TAF12: variants seen among roughly 807,000 people sequenced by gnomAD.
TAF12 encodes the protein transcription initiation factor TFIID subunit 12.
TAF12 carries 3 observed loss-of-function variants against 20.8 expected under a neutral mutation model. That is an observed-to-expected ratio of 0.14 (90% CI 0.07 to 0.37). TAF12 has a LOEUF of 0.37. Among genes scored for constraint, TAF12 ranks in the 10% least tolerant of loss-of-function variants. The probability of loss-of-function intolerance (pLI) is 1.00; values close to 1 mark genes in which losing one functional copy is unlikely to be tolerated. For synonymous variants in TAF12, 69 were observed against 70.2 expected (o/e 0.98, Z 0.09); for missense variants, 131 against 197.9 (o/e 0.66, Z 2.03).
rs1398311674 is a variant in TAF12, at chr1:28,606,079, AC to A, written c.362-620del. The stretch of plus-strand genomic sequence containing the variant: ...AGTGGTGCGATCTCGGCTCACTGAA[AC>A]CTCTGCCACCTGGGTTCAAGCGATT... On this transcript the variant is annotated intron_variant, in intron 4 of 5. Coordinates refer to ENST00000373824, the MANE Select transcript of TAF12 (RefSeq NM_005644.4). Among the ~76,000 whole-genome samples the A allele has an allele frequency of 2.6e-5, 4 of 151,294 alleles. No individual in the cohort carries two copies. The East Asian group carries it at 7.8e-4, about 29-fold the overall frequency.
intron 1 of TAF12, among the ~76,000 whole-genome samples, chr1:28,632,462 G>A (rs1341411877): frequency 1.3e-5 from 2 of 152,112 alleles, no homozygotes; most frequent in Non-Finnish European, 2.9e-5. Flanking sequence ...GTTGCAGTGT[G>A]CAGAGATCGC....
intron 1 of TAF12, among the ~76,000 whole-genome samples, chr1:28,639,404 G>GA (rs1667958796): frequency 8.3e-6 from 1 of 120,662 alleles, no homozygotes; most frequent in Admixed American, 8.8e-5. Flanking sequence ...TAACAAGAGT[G>GA]AAAGAGCGAA....
chr1:28,616,303 G>T (rs146710170), intron 3 of TAF12, among the ~76,000 whole-genome samples: 97 of 150,768 alleles, frequency 6.4e-4, no homozygotes, highest in African/African-American at 2.3e-3. Context: ...GGCTGAGGTG[G>T]AAGAATCACT....
chr1:28,611,656 TAGA>T (rs994694934), intron 4 of TAF12, among the ~76,000 whole-genome samples: 3 of 152,232 alleles, frequency 2.0e-5, no homozygotes, highest in Middle Eastern at 3.4e-3. Flanking sequence ...CACCAGAGGC[TAGA>T]AGGAGGCAAG....
chr1:28,643,036 G>A lies in TAF12; in HGVS notation c.-129C>T, dbSNP rs116551508. 8.1e-6 allele frequency: 8 copies of A among 985,792 alleles called. No homozygotes were observed. Among genetic ancestry groups the A allele is most frequent in the African/African-American group, 5.2e-5 (3 of 57,258 alleles). 61.1% of individuals were successfully genotyped at this position (985,792 alleles called of 1,614,324 possible). ...CCCATGATATGCAGAGACTGCCCCA[G>A]TGAAGCGTTCGTCTCAGCAGCCGGT... On this transcript the variant is annotated 5_prime_UTR_variant, in exon 1 of 6. Transcript: ENST00000373824.
intron 4 of TAF12, among the ~76,000 whole-genome samples, chr1:28,608,201 CG>C (rs2124298123): frequency 6.7e-6 from 1 of 149,536 alleles, no homozygotes; most frequent in South Asian, 2.1e-4. Flanking sequence ...AAAAAATAGC[CG>C]GGTGTGGTGG....
At chr1:28,607,538 G>A (rs767135862) in intron 4 of TAF12, among the ~76,000 whole-genome samples, 47 of 152,128 alleles carry the variant, frequency 3.1e-4, no homozygotes, top group Non-Finnish European at 2.2e-4. Context: ...CAGGCATGGT[G>A]GCAGGTGCCT....
intron 5 of TAF12, among the ~76,000 whole-genome samples, chr1:28,604,651 C>T (rs1347897243): frequency 1.3e-5 from 2 of 152,172 alleles, no homozygotes; most frequent in Non-Finnish European, 2.9e-5. Flanking sequence ...TTACAAACAC[C>T]GGCTCCAGAG....
intron 1 of TAF12, among the ~76,000 whole-genome samples, chr1:28,639,492 A>G (rs1286195143): frequency 1.3e-5 from 2 of 151,362 alleles, no homozygotes; most frequent in African/African-American, 4.9e-5. Flanking sequence ...TTATAATGCA[A>G]TGATTTTCTG....
chr1:28,632,382 G>A (rs541707912), intron 1 of TAF12, among the ~76,000 whole-genome samples: 1 of 152,324 alleles, frequency 6.6e-6, no homozygotes, highest in East Asian at 1.9e-4. Context: ...GTTGCAGTGA[G>A]CCAAGATTAC....
rs183254290 is a variant in TAF12, at chr1:28,613,822, A to C, written c.247-461T>G. Among the ~76,000 whole-genome samples, 4 of 152,364 alleles carry C rather than the reference A, an allele frequency of 2.6e-5. No individual in the cohort carries two copies. The East Asian group carries it at 7.7e-4, about 29-fold the overall frequency. ...GTTCATGGCCATGTAAGTAGAAAGC[A>C]GAAGGCCAGGTACAATGGCTCATGC... On this transcript the variant is annotated intron_variant, in intron 3 of 5. Coordinates refer to ENST00000373824, the MANE Select transcript of TAF12 (RefSeq NM_005644.4).
chr1:28,604,226 C>T (rs538049666), intron 5 of TAF12, among the ~76,000 whole-genome samples: 1 of 152,080 alleles, frequency 6.6e-6, no homozygotes, highest in Non-Finnish European at 1.5e-5. Flanking sequence ...TTCTGGGGTC[C>T]CCTGACCCCA....
chr1:28,641,171 T>C lies in TAF12; in HGVS notation c.-85+1821A>G, dbSNP rs531957163. ...CTCAAATTATCAGAAACTGTAAAAATTTCCAGTTTTTACTGGAAATAAAAA... is the reference window on the plus strand; with the variant it reads ...CTCAAATTATCAGAAACTGTAAAAACTTCCAGTTTTTACTGGAAATAAAAA... On this transcript the variant is annotated intron_variant, in intron 1 of 5. Transcript: ENST00000373824. Among the ~76,000 whole-genome samples the C allele has an allele frequency of 8.0e-4, 122 of 151,856 alleles. 1 individual carries two copies. The highest frequency in any genetic ancestry group is 1.4e-3 in the Non-Finnish European group (96 of 67,948).
intron 2 of TAF12, among the ~76,000 whole-genome samples, chr1:28,620,442 ATTT>A (rs940058008): frequency 7.8e-6 from 1 of 128,312 alleles, no homozygotes; most frequent in African/African-American, 2.9e-5. Flanking sequence ...CAAGAAAATA[ATTT>A]TTTTTTTTGC....
intron 1 of TAF12, among the ~76,000 whole-genome samples, chr1:28,634,610 T>C (rs1419213606): frequency 6.6e-6 from 1 of 151,786 alleles, no homozygotes; most frequent in East Asian, 1.9e-4. Flanking sequence ...CAAAACACGA[T>C]TGTATGGGTT....
chr1:28,640,453 T>C (rs1471589203), intron 1 of TAF12, among the ~76,000 whole-genome samples: 1 of 152,166 alleles, frequency 6.6e-6, no homozygotes, highest in Non-Finnish European at 1.5e-5. Flanking sequence ...TAGAGGCACA[T>C]GTAACTGGGG....
chr1:28,607,073 C>T (rs1048095661), intron 4 of TAF12, among the ~76,000 whole-genome samples: 2 of 152,204 alleles, frequency 1.3e-5, no homozygotes, highest in African/African-American at 4.8e-5. Context: ...TTGTTTATTC[C>T]TCTTTGACAG....
At chr1:28,621,590 T>G (rs1242713685) in intron 2 of TAF12, among the ~76,000 whole-genome samples, 1 of 152,172 alleles carries the variant, frequency 6.6e-6, no homozygotes, top group African/African-American at 2.4e-5. Flanking sequence ...TGGATGGATG[T>G]ATATATGCAT....
intron 4 of TAF12, among the ~76,000 whole-genome samples, chr1:28,611,278 C>T (rs561804895): frequency 2.0e-5 from 3 of 151,910 alleles, no homozygotes; most frequent in Non-Finnish European, 2.9e-5. Flanking sequence ...TTGGGAGGGA[C>T]GGAGGGAGAC....
Sources: gnomAD v4.1 joint callset for allele counts (sites outside exome capture counted in the v4.1 genomes callset) on GRCh38, gnomAD v4.1.1 for gene constraint, MANE v1.5 for transcripts, NCBI Gene and HGNC (gene_info 2026-07-23, HGNC 2026-07-21) for gene names.